Variants in ETS1 observed in about 807,000 individuals in gnomAD.
ETS1 encodes protein C-ets-1.
ETS1 carries 15 observed loss-of-function variants against 58.6 expected under a neutral mutation model. The ratio of observed to expected loss-of-function variants is 0.26; its 90% CI spans 0.17 to 0.39. The LOEUF (loss-of-function observed/expected upper bound fraction) is 0.39. Among genes scored for constraint, ETS1 ranks in the 10% least tolerant of loss-of-function variants. The pLI, the probability that ETS1 is intolerant of heterozygous loss-of-function variation, is 1.00. For missense variants in ETS1, 417 were observed against 610.5 expected (o/e 0.68, Z 3.34); for synonymous variants, 214 against 218.2 (o/e 0.98, Z 0.17).
chr11:128,482,711 A>T (rs1862520283), intron 7 of ETS1, among the ~76,000 whole-genome samples: 1 of 152,160 alleles, frequency 6.6e-6, no homozygotes, highest in Non-Finnish European at 1.5e-5. Context: ...GTAGAATCCA[A>T]CTGGATTAGA....
At chr11:128,555,134 T>C (rs916334750) in intron 3 of ETS1, among the ~76,000 whole-genome samples, 5 of 152,318 alleles carry the variant, frequency 3.3e-5, no homozygotes, top group African/African-American at 1.2e-4. Context: ...CAGGAATCTA[T>C]TTCATTCTGC....
chr11:128,586,063 CG>C (rs958852141), intron 1 of ETS1, among the ~76,000 whole-genome samples: 1 of 152,162 alleles, frequency 6.6e-6, no homozygotes, highest in African/African-American at 2.4e-5. Context: ...AGGAGCCTGC[CG>C]GGCAAAGATG....
chr11:128,535,105 T>G (rs1012274279), intron 3 of ETS1, among the ~76,000 whole-genome samples: 2 of 152,224 alleles, frequency 1.3e-5, no homozygotes, highest in African/African-American at 4.8e-5. Flanking sequence ...TCTTGACTTT[T>G]TAATAATCGT....
chr11:128,552,008 TAAA>T (rs1864237013), intron 3 of ETS1, among the ~76,000 whole-genome samples: 3 of 152,116 alleles, frequency 2.0e-5, no homozygotes, highest in Non-Finnish European at 4.4e-5. Flanking sequence ...TAACAAACCC[TAAA>T]GTGATTCTCA....
intron 3 of ETS1, chr11:128,527,398 A>C (rs1018907611): frequency 6.0e-6 from 1 of 167,326 alleles, no homozygotes; most frequent in Non-Finnish European, 1.3e-5. Flanking sequence ...AGCAAATCAA[A>C]CATGGCTCAG....
At chr11:128,524,105 C>T (rs1333577631) in intron 3 of ETS1, among the ~76,000 whole-genome samples, 1 of 152,166 alleles carries the variant, frequency 6.6e-6, no homozygotes, top group Non-Finnish European at 1.5e-5. Flanking sequence ...CTCAGAGCAA[C>T]TCCTTTCTCT....
intron 3 of ETS1, among the ~76,000 whole-genome samples, chr11:128,493,695 T>C (rs1010439640): frequency 3.3e-5 from 5 of 152,202 alleles, no homozygotes; most frequent in Non-Finnish European, 5.9e-5. Context: ...AAGTGTGGAA[T>C]TGTAGTTTAA....
chr11:128,475,835 G>A (rs1248522903), intron 8 of ETS1, among the ~76,000 whole-genome samples: 2 of 152,028 alleles, frequency 1.3e-5, no homozygotes, highest in African/African-American at 4.8e-5. Context: ...ACAGGCGTGA[G>A]CCACCGCACC....
intron 1 of ETS1, 97 bp from the exon 2 acceptor site, chr11:128,573,241 C>T (rs1864675133): frequency 4.8e-6 from 4 of 833,812 alleles, no homozygotes; most frequent in Admixed American, 4.2e-5. Context: ...TAAAAGTCTC[C>T]TTAGGAGCCA....
intron 1 of ETS1, among the ~76,000 whole-genome samples, chr11:128,584,977 A>AG (rs10631335): frequency 0.013 from 246 of 18,416 alleles, 12 homozygotes; most frequent in African/African-American, 0.047. Flanking sequence ...AAAGAAAGAA[A>AG]GAAAGAAAGA....
chr11:128,478,938 T>C (rs915673860), intron 8 of ETS1, among the ~76,000 whole-genome samples: 5 of 152,212 alleles, frequency 3.3e-5, no homozygotes, highest in Non-Finnish European at 7.4e-5. Context: ...AAGAATAAAG[T>C]AAGGACCTTT....
intron 2 of ETS1, among the ~76,000 whole-genome samples, chr11:128,568,825 T>A (rs1864561579): frequency 6.6e-6 from 1 of 152,232 alleles, no homozygotes; most frequent in Non-Finnish European, 1.5e-5. Context: ...CTTAGCTATC[T>A]TCAGGCGCAG....
chr11:128,576,041 C>T (rs1250574320), intron 1 of ETS1, among the ~76,000 whole-genome samples: 1 of 152,176 alleles, frequency 6.6e-6, no homozygotes, highest in Admixed American at 6.5e-5. Flanking sequence ...AGCTCTGGCC[C>T]AACATCTGGT....
At chr11:128,584,990 G>GAAAGGAAA (rs1209800100) in intron 1 of ETS1, among the ~76,000 whole-genome samples, 1 of 37,714 alleles carries the variant, frequency 2.7e-5, no homozygotes, top group Non-Finnish European at 4.6e-5. Context: ...AAGAAAGAAA[G>GAAAGGAAA]GAAGGAAGGA....
rs116783969 is a variant in ETS1, at chr11:128,519,296, C to T, written c.215-28720G>A. Among the ~76,000 whole-genome samples the T allele has an allele frequency of 7.1e-3, 1,079 of 152,100 alleles. 6 individuals carry two copies. Among genetic ancestry groups the T allele is most frequent in the African/African-American group, 0.025 (1,026 of 41,476 alleles). On this transcript the variant is annotated intron_variant, in intron 3 of 9. Transcript: ENST00000392668. ...AGGAAAACAAATAATCCAGGTCTTG[C>T]GGCTCCTGTTTGGACACCCCACTTT... is the stretch of plus-strand genomic sequence containing the variant.
chr11:128,510,915 G>C (rs896751508), intron 3 of ETS1, among the ~76,000 whole-genome samples: 11 of 152,188 alleles, frequency 7.2e-5, no homozygotes, highest in African/African-American at 2.7e-4. Flanking sequence ...AGGGGCTTAC[G>C]TTTTTTGGTA....
intron 1 of ETS1, among the ~76,000 whole-genome samples, chr11:128,584,827 AT>A (rs1182276974): frequency 1.3e-5 from 2 of 150,752 alleles, no homozygotes; most frequent in Non-Finnish European, 2.9e-5. Flanking sequence ...ATACTTTATC[AT>A]TTCCATAATG....
At chr11:128,516,495 C>T (rs897979719) in intron 3 of ETS1, among the ~76,000 whole-genome samples, 3 of 152,152 alleles carry the variant, frequency 2.0e-5, no homozygotes, top group Non-Finnish European at 4.4e-5. Context: ...TTCCTCTCTG[C>T]GGTGACAGTG....
chr11:128,472,377 A>G (rs1862209443), intron 8 of ETS1, among the ~76,000 whole-genome samples: 1 of 152,200 alleles, frequency 6.6e-6, no homozygotes, highest in African/African-American at 2.4e-5. Context: ...TGAGTCATAC[A>G]AAAGACAATA....
Sources: allele counts gnomAD v4.1 joint callset (sites outside exome capture counted in the v4.1 genomes callset), GRCh38; gene constraint gnomAD v4.1.1; transcripts MANE v1.5; gene names NCBI Gene and HGNC (gene_info 2026-07-23, HGNC 2026-07-21).